Variants in CFLAR observed in about 807,000 individuals in gnomAD.
CFLAR encodes the protein CASP8 and FADD-like apoptosis regulator.
A neutral mutation model predicts 51.1 loss-of-function variants in CFLAR; 14 were observed. The observed-to-expected ratio is 0.27, with a 90% CI of 0.18 to 0.43. The LOEUF (loss-of-function observed/expected upper bound fraction) is 0.43. CFLAR is among the 20% of genes least tolerant of loss of function. The probability of loss-of-function intolerance (pLI) is 1.00; values close to 1 mark genes in which losing one functional copy is unlikely to be tolerated. For missense variants in CFLAR, 390 were observed against 566.5 expected (o/e 0.69, Z 3.16); for synonymous variants, 210 against 211.6 (o/e 0.99, Z 0.06).
chr2:201,134,499 G>C (rs1350132895), intron 3 of CFLAR, among the ~76,000 whole-genome samples: 1 of 151,468 alleles, frequency 6.6e-6, no homozygotes, highest in Non-Finnish European at 1.5e-5. Flanking sequence ...GCTGGGCGTA[G>C]TGGTGGGCGC....
chr2:201,174,177 T>C lies in CFLAR; in HGVS notation c.*10204T>C, dbSNP rs1179243599. ...GTTATTGCTTATGCTTTTGGTGTCA[T>C]ACCTAAAAAACCATTGTCTAAATCA... On this transcript the variant is annotated 3_prime_UTR_variant, in exon 10 of 10. Transcript: ENST00000309955. 3 of 150,368 alleles carry C rather than the reference T, an allele frequency of 2.0e-5. No individual in the cohort carries two copies. The highest frequency in any genetic ancestry group is 7.6e-5 in the African/African-American group (3 of 39,654). The allele number at this position is 150,368 out of a possible 1,614,324, so 9.3% of individuals were successfully genotyped here. A position where few individuals can be genotyped will look rare whatever the true frequency, so the allele number is the denominator to read the frequency against.
intron 9 of CFLAR, among the ~76,000 whole-genome samples, chr2:201,161,860 C>T (rs1943072984): frequency 6.7e-6 from 1 of 149,156 alleles, no homozygotes; most frequent in South Asian, 2.1e-4. Context: ...GATTCTCCTG[C>T]CTCAGCTTCC....
rs1244140737 is a variant in CFLAR, at chr2:201,173,754, C to T, written c.*9781C>T. ...TGGTGCAATCTCGGCTCACTGCAAC[C>T]TCCACCTCCTGAGTTCAAGCGACTC... On this transcript the variant is annotated 3_prime_UTR_variant, in exon 10 of 10. Transcript: ENST00000309955. 6.6e-6 allele frequency: 1 copy of T among 151,968 alleles called. No homozygotes were observed. 9.4% of individuals were successfully genotyped at this position (151,968 alleles called of 1,614,324 possible).
In CFLAR at chr2:201,160,469, A is replaced by C. The variant is rs778192474; in HGVS notation, c.831A>C (p.Glu277Asp). Reference protein sequence around the residue: ...LRDTFTSLGYEVQKFLHLSMH... With the variant: ...LRDTFTSLGYDVQKFLHLSMH... Reference sequence around the variant, plus strand: ...ACACCTTCACTTCCCTGGGCTATGAAGTCCAGAAATTCTTGCATCTCAGTA... The same window carrying C: ...ACACCTTCACTTCCCTGGGCTATGACGTCCAGAAATTCTTGCATCTCAGTA... Residue 277 changes from glutamate (E) to aspartate (D), a missense_variant, in exon 9 of 10, where the codon GAA (glutamate) becomes GAC (aspartate). Glu to Asp is a conservative substitution (Grantham distance 45, BLOSUM62 2). Coordinates refer to ENST00000309955, the MANE Select transcript of CFLAR (RefSeq NM_003879.7). 5.9e-5 allele frequency: 96 copies of C among 1,613,614 alleles called. 1 individual carries two copies. The South Asian group carries it at 9.1e-4, about 15-fold the overall frequency.
chr2:201,162,032 G>A (rs1943098182), intron 9 of CFLAR, among the ~76,000 whole-genome samples: 1 of 151,948 alleles, frequency 6.6e-6, no homozygotes, highest in Non-Finnish European at 1.5e-5. Context: ...ACAGGCATGA[G>A]CCACCATGCT....
chr2:201,141,639 A>G lies in CFLAR; in HGVS notation c.606+1200A>G, dbSNP rs1374856597. On this transcript the variant is annotated intron_variant, in intron 5 of 9. Transcript: ENST00000309955. ...TTACTGAGCTAATTTTAATGATTTC[A>G]GCAAAAGTTATTTTGTTATTGAGTG... The G allele has an allele frequency of 3.3e-5, 43 of 1,291,164 alleles. No individual in the cohort carries two copies. In the East Asian group the frequency reaches 1.3e-3, roughly 39 times the overall value. 80.0% of individuals were successfully genotyped at this position (1,291,164 alleles called of 1,614,324 possible). A position where few individuals can be genotyped will look rare whatever the true frequency, so the allele number is the denominator to read the frequency against.
rs1214921591 is a variant in CFLAR, at chr2:201,165,973, C to G, written c.*2000C>G. ...CAGAACAAAATGAAGTCTCCCATGT[C>G]TACTTCTTTCTACACAGACACAGCA... On this transcript the variant is annotated 3_prime_UTR_variant, in exon 10 of 10. Transcript: ENST00000309955. 1.0e-5 allele frequency: 2 copies of G among 199,848 alleles called. No homozygotes were observed. The highest frequency in any genetic ancestry group is 3.3e-4 in the East Asian group (2 of 6,072). 12.4% of individuals were successfully genotyped at this position (199,848 alleles called of 1,614,324 possible). A position where few individuals can be genotyped will look rare whatever the true frequency, so the allele number is the denominator to read the frequency against.
intron 4 of CFLAR, chr2:201,136,677 TA>T (rs1428359741): frequency 3.1e-6 from 3 of 964,144 alleles, no homozygotes; most frequent in Non-Finnish European, 2.9e-6. Flanking sequence ...ACTGCCACCA[TA>T]GCATCACAGC....
chr2:201,162,647 GA>G, intron 9 of CFLAR: 1 of 209,276 alleles, frequency 4.8e-6, no homozygotes. Flanking sequence ...GCTGTGAGCA[GA>G]AAGTCCTTGA....
intron 1 of CFLAR, among the ~76,000 whole-genome samples, chr2:201,119,608 C>T (rs1459999535): frequency 6.6e-6 from 1 of 152,138 alleles, no homozygotes; most frequent in African/African-American, 2.4e-5. Context: ...CATCTCCCCT[C>T]AGAAGACTTG....
intron 5 of CFLAR, 61 bp downstream of exon 5, chr2:201,140,500 A>C: frequency 8.1e-7 from 1 of 1,233,886 alleles, no homozygotes; most frequent in Non-Finnish European, 1.1e-6. Context: ...TCTAATAAAA[A>C]TATGCATATT....
intron 4 of CFLAR, 147 bp downstream of exon 4, chr2:201,136,254 G>A (rs368707919): frequency 1.6e-5 from 25 of 1,603,012 alleles, no homozygotes; most frequent in East Asian, 4.5e-5. Context: ...GCTAGAAATC[G>A]CGTCCCTTTA....
chr2:201,167,577 C>G lies in CFLAR; in HGVS notation c.*3604C>G, dbSNP rs1225594956. ...AAAGTTATTTTGTACTTGTTTTGAG[C>G]ACAGGACTCCTGAGGGTATCTTTGC... On this transcript the variant is annotated 3_prime_UTR_variant, in exon 10 of 10. Coordinates refer to ENST00000309955, the MANE Select transcript of CFLAR (RefSeq NM_003879.7). 2 of 152,164 alleles carry G rather than the reference C, an allele frequency of 1.3e-5. No individual in the cohort carries two copies. Among genetic ancestry groups the G allele is most frequent in the African/African-American group, 4.8e-5 (2 of 41,418 alleles). 9.4% of individuals were successfully genotyped at this position (152,164 alleles called of 1,614,324 possible).
intron 2 of CFLAR, 40 bp downstream of exon 2, chr2:201,130,186 G>GT: frequency 2.7e-6 from 1 of 377,152 alleles, no homozygotes; most frequent in African/African-American, 2.2e-5. Flanking sequence ...TGGGTGGGAG[G>GT]GAGTGAAGTG....
chr2:201,140,953 G>C (rs568042059), intron 5 of CFLAR, among the ~76,000 whole-genome samples: 3 of 151,980 alleles, frequency 2.0e-5, no homozygotes, highest in Admixed American at 1.3e-4. Flanking sequence ...TTTTTTGCCC[G>C]GGTGCGGTGG....
At chr2:201,163,343 T>C in intron 9 of CFLAR, 1 of 1,180,032 alleles carries the variant, frequency 8.5e-7, no homozygotes, top group Non-Finnish European at 1.1e-6. Context: ...TAACTGGCCT[T>C]TTTCAGTTGC....
At chr2:201,154,792 T>C (rs1354816318) in intron 8 of CFLAR, among the ~76,000 whole-genome samples, 1 of 152,266 alleles carries the variant, frequency 6.6e-6, no homozygotes, top group Non-Finnish European at 1.5e-5. Flanking sequence ...TTTATTTCTT[T>C]GTTTGTCCAG....
chr2:201,156,896 A>AT (rs1337075953), intron 8 of CFLAR, among the ~76,000 whole-genome samples: 3 of 151,976 alleles, frequency 2.0e-5, no homozygotes, highest in South Asian at 4.1e-4. Flanking sequence ...TCCTCTATTT[A>AT]TGTGCAAGGA....
At chr2:201,128,125 G>T (rs2048883342) in intron 1 of CFLAR, among the ~76,000 whole-genome samples, 1 of 151,906 alleles carries the variant, frequency 6.6e-6, no homozygotes, top group South Asian at 2.1e-4. Flanking sequence ...TTATTTTTGT[G>T]TTTTTATAAT....
Sources: allele counts gnomAD v4.1 joint callset (sites outside exome capture counted in the v4.1 genomes callset), GRCh38; gene constraint gnomAD v4.1.1; transcripts MANE v1.5; gene names NCBI Gene and HGNC (gene_info 2026-07-23, HGNC 2026-07-21).